Variants in GALNTL6 observed in about 807,000 individuals in gnomAD.
The protein encoded by GALNTL6 is polypeptide N-acetylgalactosaminyltransferase-like 6.
Under a neutral mutation model 73.7 loss-of-function variants are expected in GALNTL6, and 46 were observed. The observed-to-expected ratio is 0.62, with a 90% CI of 0.49 to 0.80. The LOEUF (loss-of-function observed/expected upper bound fraction) is 0.80. Ranked by LOEUF, GALNTL6 falls within the 30% of genes least tolerant of loss-of-function variation. GALNTL6 has a pLI of 0.00. For synonymous variants in GALNTL6, 259 were observed against 263.7 expected, an observed-to-expected ratio of 0.98 and a Z score of 0.17; for missense variants, 604 against 755.0, an observed-to-expected ratio of 0.80 and a Z score of 2.34.
intron 2 of GALNTL6, among the ~76,000 whole-genome samples, chr4:172,176,348 A>AAAAAAAAAAAAAAAAAAAAG (rs1734998914): frequency 6.7e-6 from 1 of 148,856 alleles, no homozygotes; most frequent in Non-Finnish European, 1.5e-5. Flanking sequence ...AAAAAAAAAA[A>AAAAAAAAAAAAAAAAAAAAG]AAAAAAAAGA....
chr4:171,995,893 T>A (rs1028769379), intron 2 of GALNTL6, among the ~76,000 whole-genome samples: 1 of 152,068 alleles, frequency 6.6e-6, no homozygotes, highest in Non-Finnish European at 1.5e-5. Flanking sequence ...TAGTAACATC[T>A]GACAAAAGTT....
chr4:172,814,991 C>A lies in GALNTL6; in HGVS notation c.923+1268C>A, dbSNP rs142278842. Among the ~76,000 whole-genome samples, 191 of 152,118 alleles carry A rather than the reference C, an allele frequency of 1.3e-3. 1 individual carries two copies. Among genetic ancestry groups the A allele is most frequent in the African/African-American group, 4.3e-3 (179 of 41,494 alleles). Reference sequence around the variant, plus strand: ...TTTGTTACTTCCTCAAATGCTTTGGCCAAAATTTCATGGGTATTCAAAACT... The same window carrying A: ...TTTGTTACTTCCTCAAATGCTTTGGACAAAATTTCATGGGTATTCAAAACT... On this transcript the variant is annotated intron_variant, in intron 7 of 12. Coordinates refer to ENST00000506823, the MANE Select transcript of GALNTL6 (RefSeq NM_001034845.3).
intron 4 of GALNTL6, among the ~76,000 whole-genome samples, chr4:172,318,629 G>T (rs1028397348): frequency 6.6e-6 from 1 of 152,094 alleles, no homozygotes; most frequent in Non-Finnish European, 1.5e-5. Context: ...TTGAACTCAG[G>T]AGGCAGAGGT....
chr4:172,564,120 A>G (rs1193790923), intron 5 of GALNTL6, among the ~76,000 whole-genome samples: 1 of 152,158 alleles, frequency 6.6e-6, no homozygotes, highest in Non-Finnish European at 1.5e-5. Context: ...GTCTTAAAGA[A>G]CTCATTACAC....
chr4:172,766,006 T>C (rs1738385118), intron 5 of GALNTL6, among the ~76,000 whole-genome samples: 1 of 151,952 alleles, frequency 6.6e-6, no homozygotes, highest in Non-Finnish European at 1.5e-5. Context: ...GGGGGATAAA[T>C]TTCTCTAAGA....
chr4:172,444,879 A>G (rs966307942), intron 5 of GALNTL6, among the ~76,000 whole-genome samples: 1 of 152,130 alleles, frequency 6.6e-6, no homozygotes, highest in South Asian at 2.1e-4. Flanking sequence ...TAAGGACACC[A>G]ATTATCCACC....
intron 2 of GALNTL6, among the ~76,000 whole-genome samples, chr4:172,134,147 G>A (rs1733573217): frequency 1.3e-5 from 2 of 152,122 alleles, no homozygotes; most frequent in African/African-American, 4.8e-5. Context: ...ACTTTGGGAG[G>A]CCGAGGCGGG....
At chr4:172,319,718 A>G (rs1187048802) in intron 4 of GALNTL6, among the ~76,000 whole-genome samples, 2 of 152,268 alleles carry the variant, frequency 1.3e-5, no homozygotes, top group Admixed American at 6.5e-5. Flanking sequence ...CACTTAGATG[A>G]GTTTATAAAT....
At chr4:172,445,072 C>T (rs999137344) in intron 5 of GALNTL6, among the ~76,000 whole-genome samples, 13 of 151,996 alleles carry the variant, frequency 8.6e-5, no homozygotes, top group African/African-American at 2.9e-4. Context: ...AGAGGCAAGC[C>T]AAAAAAGCCC....
intron 5 of GALNTL6, among the ~76,000 whole-genome samples, chr4:172,603,476 C>A (rs551540423): frequency 1.5e-4 from 23 of 152,232 alleles, no homozygotes; most frequent in African/African-American, 5.5e-4. Flanking sequence ...CAATCATTTT[C>A]TTTTGAACAA....
chr4:172,939,114 G>C (rs1210484930), intron 9 of GALNTL6, among the ~76,000 whole-genome samples: 1 of 152,100 alleles, frequency 6.6e-6, no homozygotes, highest in African/African-American at 2.4e-5. Flanking sequence ...ACATAGCAAG[G>C]CCCCAGCTTT....
At chr4:172,322,194 T>C (rs1740783914) in intron 4 of GALNTL6, among the ~76,000 whole-genome samples, 1 of 152,164 alleles carries the variant, frequency 6.6e-6, no homozygotes, top group Non-Finnish European at 1.5e-5. Flanking sequence ...AACCATGCAC[T>C]TGATCACTCA....
At chr4:171,937,453 A>G (rs1738384981) in intron 2 of GALNTL6, among the ~76,000 whole-genome samples, 2 of 152,180 alleles carry the variant, frequency 1.3e-5, no homozygotes. Flanking sequence ...TACATCTTTG[A>G]CTATAAAAGA....
At chr4:172,899,896 G>A (rs1360983415) in intron 8 of GALNTL6, among the ~76,000 whole-genome samples, 3 of 152,292 alleles carry the variant, frequency 2.0e-5, no homozygotes, top group African/African-American at 7.2e-5. Context: ...ATTGGTGGGA[G>A]TGTAGCGATG....
chr4:171,975,652 G>A, intron 2 of GALNTL6, among the ~76,000 whole-genome samples: 1 of 152,020 alleles, frequency 6.6e-6, no homozygotes, highest in South Asian at 2.1e-4. Context: ...GACCTAAAGA[G>A]AATAAAAACA....
At chr4:172,524,526 G>A (rs1024260926) in intron 5 of GALNTL6, among the ~76,000 whole-genome samples, 3 of 152,072 alleles carry the variant, frequency 2.0e-5, no homozygotes, top group African/African-American at 7.2e-5. Flanking sequence ...TGAATACAAC[G>A]CAACTTAGTT....
intron 2 of GALNTL6, among the ~76,000 whole-genome samples, chr4:172,122,828 C>T (rs1355420734): frequency 6.6e-6 from 1 of 152,160 alleles, no homozygotes; most frequent in Non-Finnish European, 1.5e-5. Flanking sequence ...GGGGGGAACC[C>T]TTACCTGCTC....
At chr4:172,851,433 T>C (rs1022241517) in intron 7 of GALNTL6, among the ~76,000 whole-genome samples, 1 of 151,970 alleles carries the variant, frequency 6.6e-6, no homozygotes, top group African/African-American at 2.4e-5. Flanking sequence ...CACACACATA[T>C]ATATATCACA....
At position 172,033,647 on chromosome 4, in the gene GALNTL6, A is replaced by G. The variant is rs577094749; in HGVS notation, c.139-196009A>G. Among the ~76,000 whole-genome samples the G allele has an allele frequency of 7.2e-5, 11 of 152,236 alleles. No homozygotes were observed. The South Asian group carries it at 2.3e-3, about 32-fold the overall frequency. ...TTTAAAATAGTTGAAAAAAAATCCA[A>G]TCATGATATGAGAAAACTATAGAAA... On this transcript the variant is annotated intron_variant, in intron 2 of 12. Transcript: ENST00000506823.
Sources: gnomAD v4.1 joint callset for allele counts (sites outside exome capture counted in the v4.1 genomes callset) on GRCh38, gnomAD v4.1.1 for gene constraint, MANE v1.5 for transcripts, NCBI Gene and HGNC (gene_info 2026-07-23, HGNC 2026-07-21) for gene names.